The following SETBP1 variants were observed in gnomAD, a reference collection of about 807,000 sequenced individuals.
The protein encoded by SETBP1 is SET-binding protein.
Under a neutral mutation model 101.0 loss-of-function variants are expected in SETBP1, and 9 were observed. The ratio of observed to expected loss-of-function variants is 0.09; its 90% confidence interval spans 0.05 to 0.16. The LOEUF is 0.16. Ranked by LOEUF, SETBP1 falls within the 10% of genes least tolerant of loss-of-function variation. SETBP1 has a pLI of 1.00. For synonymous variants in SETBP1, 818 were observed against 788.5 expected, an observed-to-expected ratio of 1.04 and a Z score of -0.63; for missense variants, 1,858 against 2,033.8, an observed-to-expected ratio of 0.91 and a Z score of 1.66.
intron 2 of SETBP1, among the ~76,000 whole-genome samples, chr18:44,845,674 A>G (rs1428547613): frequency 1.3e-5 from 2 of 152,140 alleles, no homozygotes; most frequent in Non-Finnish European, 2.9e-5. Context: ...GCCTTTCCCC[A>G]TGGGCAGCTG....
chr18:44,959,701 G>C (rs1280983297), intron 4 of SETBP1, among the ~76,000 whole-genome samples: 1 of 152,082 alleles, frequency 6.6e-6, no homozygotes, highest in South Asian at 2.1e-4. Flanking sequence ...TGTTCTCAGT[G>C]GGGGAGGAGA....
intron 2 of SETBP1, among the ~76,000 whole-genome samples, chr18:44,751,217 C>T (rs1462393450): frequency 6.6e-6 from 1 of 152,174 alleles, no homozygotes; most frequent in Non-Finnish European, 1.5e-5. Flanking sequence ...GTTAAACATG[C>T]TTTCCACATC....
chr18:44,747,884 AG>A (rs1334277138), intron 2 of SETBP1, among the ~76,000 whole-genome samples: 1 of 152,228 alleles, frequency 6.6e-6, no homozygotes, highest in Non-Finnish European at 1.5e-5. Flanking sequence ...GCTGATATCT[AG>A]GAGATCAGCT....
intron 2 of SETBP1, among the ~76,000 whole-genome samples, chr18:44,752,541 C>G (rs914726743): frequency 6.6e-6 from 1 of 152,170 alleles, no homozygotes; most frequent in Non-Finnish European, 1.5e-5. Context: ...CAACTGTGGA[C>G]TTGACTGATT....
At chr18:44,949,273 C>A (rs892616114) in intron 3 of SETBP1, among the ~76,000 whole-genome samples, 1 of 152,184 alleles carries the variant, frequency 6.6e-6, no homozygotes, top group African/African-American at 2.4e-5. Flanking sequence ...GCTGTTTTTA[C>A]TGGTTACAGT....
In SETBP1 at chr18:45,064,048, T is replaced by C; in HGVS notation, c.*350T>C. 4.9e-6 allele frequency: 1 copy of C among 202,122 alleles called. No individual in the cohort carries two copies. The highest frequency in any genetic ancestry group is 1.0e-5 in the Non-Finnish European group (1 of 99,912). 12.5% of individuals were successfully genotyped at this position (202,122 alleles called of 1,614,324 possible). A position where few individuals can be genotyped will look rare whatever the true frequency, so the allele number is the denominator to read the frequency against. Reference sequence around the variant, plus strand: ...CCAAGGTGCGCCCTCGACTCCCGATTTCATTTGCTGGCCAGGAAAATCGAA... The same window carrying C: ...CCAAGGTGCGCCCTCGACTCCCGATCTCATTTGCTGGCCAGGAAAATCGAA... On this transcript the variant is annotated 3_prime_UTR_variant, in exon 6 of 6. Transcript: ENST00000649279.
chr18:44,745,440 C>T (rs2070216962), intron 2 of SETBP1, among the ~76,000 whole-genome samples: 1 of 152,096 alleles, frequency 6.6e-6, no homozygotes, highest in Admixed American at 6.6e-5. Context: ...TTGGGTCAGT[C>T]ACTTGATGTC....
chr18:44,714,621 T>C (rs997146546), intron 2 of SETBP1, among the ~76,000 whole-genome samples: 3 of 151,932 alleles, frequency 2.0e-5, no homozygotes, highest in African/African-American at 7.3e-5. Flanking sequence ...TATGTGTGTG[T>C]GTGCGCATGC....
chr18:44,942,871 A>C (rs573051284), intron 3 of SETBP1, among the ~76,000 whole-genome samples: 1 of 152,212 alleles, frequency 6.6e-6, no homozygotes. Context: ...CTCTAGTATC[A>C]TCCACGGCCC....
chr18:44,813,570 G>T (rs936332085), intron 2 of SETBP1, among the ~76,000 whole-genome samples: 1 of 152,148 alleles, frequency 6.6e-6, no homozygotes, highest in Non-Finnish European at 1.5e-5. Flanking sequence ...CAAATGAGAA[G>T]CTGGAACCAG....
intron 4 of SETBP1, among the ~76,000 whole-genome samples, chr18:44,956,960 T>C (rs959826821): frequency 6.6e-6 from 1 of 152,204 alleles, no homozygotes; most frequent in Non-Finnish European, 1.5e-5. Flanking sequence ...CTTTTTTTGG[T>C]TTCAGAATGC....
chr18:45,011,569 A>G (rs2072838917), intron 4 of SETBP1, among the ~76,000 whole-genome samples: 1 of 152,226 alleles, frequency 6.6e-6, no homozygotes, highest in South Asian at 2.1e-4. Flanking sequence ...TACTTGATTT[A>G]CACACAGGTG....
chr18:44,687,929 G>A (rs897271762), intron 1 of SETBP1, among the ~76,000 whole-genome samples: 18 of 152,146 alleles, frequency 1.2e-4, no homozygotes, highest in African/African-American at 4.3e-4. Flanking sequence ...TAGCTAATGG[G>A]TTGGTTTGTG....
rs541448974 is a variant in SETBP1, at chr18:44,836,997, T to C, written c.487-32233T>C. On this transcript the variant is annotated intron_variant, in intron 2 of 5. Coordinates refer to ENST00000649279, the MANE Select transcript of SETBP1 (RefSeq NM_015559.3). ...TTCCACTTCTTCTTTAAGAAACTTT[T>C]CATGCTAATGTTTTGAGTTGTTTGT... Among the ~76,000 whole-genome samples, 4 of 152,328 alleles carry C rather than the reference T, an allele frequency of 2.6e-5. No homozygotes were observed. In the South Asian group the frequency reaches 8.3e-4, roughly 32 times the overall value.
chr18:44,886,055 G>A (rs1390378610), intron 3 of SETBP1, among the ~76,000 whole-genome samples: 3 of 151,962 alleles, frequency 2.0e-5, no homozygotes, highest in African/African-American at 7.3e-5. Context: ...GATGGTTTGG[G>A]AAGGACAAAA....
intron 4 of SETBP1, among the ~76,000 whole-genome samples, chr18:44,960,446 C>T (rs2145148111): frequency 6.6e-6 from 1 of 152,220 alleles, no homozygotes; most frequent in East Asian, 1.9e-4. Context: ...GCAATCCTCC[C>T]ACCTCAGGCC....
intron 4 of SETBP1, among the ~76,000 whole-genome samples, chr18:45,031,761 T>C (rs1245637433): frequency 2.0e-5 from 3 of 152,100 alleles, no homozygotes; most frequent in South Asian, 2.1e-4. Context: ...TACAATTGCC[T>C]AGAAGAATTG....
At chr18:44,778,267 C>A (rs2071047463) in intron 2 of SETBP1, among the ~76,000 whole-genome samples, 1 of 152,150 alleles carries the variant, frequency 6.6e-6, no homozygotes, top group Non-Finnish European at 1.5e-5. Flanking sequence ...CCTTCCCATC[C>A]CCCTCTTATT....
chr18:44,812,215 C>T (rs2071878544), intron 2 of SETBP1, among the ~76,000 whole-genome samples: 1 of 152,120 alleles, frequency 6.6e-6, no homozygotes, highest in Non-Finnish European at 1.5e-5. Flanking sequence ...CACACCCCCA[C>T]TTGTCCCCCA....
Sources: gnomAD v4.1 joint callset for allele counts (sites outside exome capture counted in the v4.1 genomes callset) on GRCh38, gnomAD v4.1.1 for gene constraint, MANE v1.5 for transcripts, NCBI Gene and HGNC (gene_info 2026-07-23, HGNC 2026-07-21) for gene names.